Variants in NPHP1 observed in about 807,000 individuals in gnomAD.
NPHP1 encodes the protein nephrocystin-1.
In NPHP1, 70 loss-of-function variants were observed where a neutral mutation model predicts 90.4. The ratio of observed to expected loss-of-function variants is 0.77; its 90% CI spans 0.64 to 0.95. The LOEUF is 0.95. Ranked by LOEUF, NPHP1 falls within the 40% of genes least tolerant of loss-of-function variation. The pLI is 0.00. For synonymous variants in NPHP1, 256 were observed against 271.7 expected, an observed-to-expected ratio of 0.94 and a Z score of 0.57; for missense variants, 764 against 795.9, an observed-to-expected ratio of 0.96 and a Z score of 0.48.
intron 2 of NPHP1, among the ~76,000 whole-genome samples, chr2:110,180,115 TAAAG>T (rs1019803145): frequency 1.3e-5 from 2 of 152,014 alleles, no homozygotes; most frequent in Non-Finnish European, 2.9e-5. Context: ...TCACTCCACT[TAAAG>T]AAAGAGAAGT....
chr2:110,154,900 G>A (rs148500287), intron 11 of NPHP1, among the ~76,000 whole-genome samples: 2 of 152,174 alleles, frequency 1.3e-5, no homozygotes, highest in East Asian at 3.8e-4. Flanking sequence ...CAAGCCGGCT[G>A]CAGAAATTCG....
intron 6 of NPHP1, among the ~76,000 whole-genome samples, chr2:110,166,954 T>C (rs900956425): frequency 6.6e-6 from 1 of 152,086 alleles, no homozygotes; most frequent in African/African-American, 2.4e-5. Context: ...GCTGTAAATG[T>C]AAAACACACA....
In NPHP1 at chr2:110,204,955, C is replaced by T. The variant is rs190983114; in HGVS notation, c.14G>A (p.Arg5Gln). The change falls in exon 1 of 20, where the codon CGA becomes CAA. Residue 5 changes from arginine to glutamine, a missense_variant. Coordinates refer to ENST00000445609, the MANE Select transcript of NPHP1 (RefSeq NM_001128178.3). The part of the protein sequence containing the change: MLAR[R>Q]QRDPLQALRR... ...CAGGGCCTGGAGAGGATCTCGCTGT[C>T]GTCTCGCCAGCATCTCCCTGGCTGC... 3.1e-6 allele frequency: 5 copies of T among 1,614,004 alleles called. No individual in the cohort carries two copies. Among genetic ancestry groups the T allele is most frequent in the Non-Finnish European group, 2.5e-6 (3 of 1,179,928 alleles).
intron 1 of NPHP1, among the ~76,000 whole-genome samples, chr2:110,203,150 C>T (rs2104720882): frequency 1.3e-5 from 2 of 152,118 alleles, no homozygotes; most frequent in Middle Eastern, 3.4e-3. Flanking sequence ...AGGCCATTGT[C>T]CTAAGTGAAT....
intron 11 of NPHP1, among the ~76,000 whole-genome samples, chr2:110,158,978 A>G (rs1199568248): frequency 6.6e-6 from 1 of 151,976 alleles, no homozygotes; most frequent in Non-Finnish European, 1.5e-5. Context: ...ATTTTTTAAA[A>G]ATCATAAATG....
At chr2:110,125,075 C>T in intron 19 of NPHP1, 1 of 882,634 alleles carries the variant, frequency 1.1e-6, no homozygotes, top group Non-Finnish European at 1.6e-6. Flanking sequence ...GTTACAACAC[C>T]AGAGCTGAGT....
chr2:110,131,583 T>C (rs940450935), intron 17 of NPHP1, 96 bp downstream of exon 17: 1 of 760,264 alleles, frequency 1.3e-6, no homozygotes, highest in Non-Finnish European at 2.4e-6. Flanking sequence ...ATTCCAAAAG[T>C]CACAACCAGA....
intron 1 of NPHP1, among the ~76,000 whole-genome samples, chr2:110,202,719 G>A (rs999960774): frequency 2.0e-5 from 3 of 152,048 alleles, no homozygotes; most frequent in African/African-American, 7.2e-5. Context: ...AAACTACAAT[G>A]AGGTACCATC....
intron 2 of NPHP1, among the ~76,000 whole-genome samples, chr2:110,188,394 C>G (rs1005068858): frequency 4.0e-5 from 6 of 151,774 alleles, no homozygotes; most frequent in African/African-American, 1.2e-4. Flanking sequence ...GAGCTAAATC[C>G]TGAACTCACA....
At chr2:110,128,722 T>A (rs564614892) in intron 18 of NPHP1, 1 of 209,594 alleles carries the variant, frequency 4.8e-6, no homozygotes, top group Admixed American at 5.3e-5. Context: ...CTAAACCATA[T>A]GAAACTGCCA....
At chr2:110,188,565 C>T (rs1032318850) in intron 2 of NPHP1, among the ~76,000 whole-genome samples, 2 of 152,076 alleles carry the variant, frequency 1.3e-5, no homozygotes, top group Non-Finnish European at 1.5e-5. Flanking sequence ...AGAATCATAT[C>T]GTGAAAATGG....
In NPHP1 at chr2:110,150,274, C is replaced by G. The variant is rs777096988; in HGVS notation, c.1084-18G>C. The G allele has an allele frequency of 1.9e-6, 3 of 1,611,022 alleles. No homozygotes were observed. Among genetic ancestry groups the G allele is most frequent in the Non-Finnish European group, 2.5e-6 (3 of 1,177,232 alleles). The stretch of plus-strand genomic sequence containing the variant: ...CTCAGAACCTGAAATGAGATTTTCC[C>G]TTTTGAAATCATGTAAAAAGCTCTT... On this transcript the variant is annotated intron_variant, in intron 11 of 19. Coordinates refer to ENST00000445609, the MANE Select transcript of NPHP1 (RefSeq NM_001128178.3).
At chr2:110,125,776 G>A in intron 18 of NPHP1, 95 bp from the exon 19 acceptor site, 1 of 1,003,060 alleles carries the variant, frequency 1.0e-6, no homozygotes, top group Admixed American at 1.7e-5. Flanking sequence ...TTATGGACAG[G>A]GTTAAAAATG....
At chr2:110,179,720 T>G (rs1169914620) in intron 2 of NPHP1, 36 bp from the exon 3 acceptor site, 1 of 955,024 alleles carries the variant, frequency 1.0e-6, no homozygotes, top group Non-Finnish European at 1.6e-6. Context: ...TATTGATTTT[T>G]CTATTATCAG....
chr2:110,150,368 G>T, intron 11 of NPHP1, 112 bp from the exon 12 acceptor site: 1 of 943,252 alleles, frequency 1.1e-6, no homozygotes, highest in Non-Finnish European at 1.7e-6. Flanking sequence ...GATGGCAAGG[G>T]GAGAACTTTC....
chr2:110,157,007 C>G lies in NPHP1; in HGVS notation c.1083+3120G>C, dbSNP rs540865242. ...GGCCAGGATGGTCTAGATCTCTTGA[C>G]CATGTGCTCTGCCCGCCTCGGCCTC... On this transcript the variant is annotated intron_variant, in intron 11 of 19. Transcript: ENST00000445609. Among the ~76,000 whole-genome samples the G allele has an allele frequency of 2.6e-5, 4 of 152,122 alleles. No individual in the cohort carries two copies. In the South Asian group the frequency reaches 8.3e-4, roughly 32 times the overall value.
intron 19 of NPHP1, chr2:110,124,973 C>G (rs1679245651): frequency 2.4e-6 from 1 of 411,196 alleles, no homozygotes; most frequent in Non-Finnish European, 4.3e-6. Flanking sequence ...GACTGTGGGC[C>G]AAATGTGGAC....
At chr2:110,179,786 C>T (rs1683761107) in intron 2 of NPHP1, 102 bp from the exon 3 acceptor site, 2 of 610,136 alleles carry the variant, frequency 3.3e-6, no homozygotes, top group Non-Finnish European at 5.9e-6. Context: ...AGGCAATTAG[C>T]CACTGTATGA....
Position 110,201,471 on chromosome 2 carries a change from G to A in NPHP1, c.93C>T (p.Ser31=). 6.2e-7 allele frequency: 1 copy of A among 1,609,988 alleles called. No homozygotes were observed. The highest frequency in any genetic ancestry group is 8.5e-7 in the Non-Finnish European group (1 of 1,177,544). ...KQQVDSLLSE[S]QLKEALEPNK... is the part of the protein sequence containing the mutation. Reference sequence around the variant, plus strand: ...TGGGTTCTAGAGCTTCTTTCAGTTGGCTCTCAGAAAGCAAACTATCAACCT... The same window carrying A: ...TGGGTTCTAGAGCTTCTTTCAGTTGACTCTCAGAAAGCAAACTATCAACCT... The change falls in exon 2 of 20, where the codon AGC becomes AGT. Residue 31 remains serine (S), a synonymous_variant. Coordinates refer to ENST00000445609, the MANE Select transcript of NPHP1 (RefSeq NM_001128178.3).
Sources: gnomAD v4.1 joint callset for allele counts (sites outside exome capture counted in the v4.1 genomes callset) on GRCh38, gnomAD v4.1.1 for gene constraint, MANE v1.5 for transcripts, NCBI Gene and HGNC (gene_info 2026-07-23, HGNC 2026-07-21) for gene names.